Variants in MARCHF3 observed in about 807,000 individuals in gnomAD.
MARCHF3 encodes membrane associated ring-CH-type finger 3, also known as E3 ubiquitin-protein ligase MARCHF3.
In MARCHF3, 13 loss-of-function variants were observed where a neutral mutation model predicts 24.2. The observed-to-expected ratio is 0.54, with a 90% CI of 0.35 to 0.85. MARCHF3 has a LOEUF of 0.85. Ranked by LOEUF, MARCHF3 falls within the 40% of genes least tolerant of loss-of-function variation. The pLI is 0.01. For missense variants in MARCHF3, 276 were observed against 325.0 expected (o/e 0.85, Z 1.16); for synonymous variants, 144 against 137.3 (o/e 1.05, Z -0.34).
Position 126,868,558 on chromosome 5 carries a change from C to T in MARCHF3, c.*2075G>A, listed in dbSNP as rs1752845928. The T allele has an allele frequency of 6.6e-6, 1 of 152,214 alleles. No homozygotes were observed. Among genetic ancestry groups the T allele is most frequent in the Non-Finnish European group, 1.5e-5 (1 of 68,044 alleles). The allele number at this position is 152,214 out of a possible 1,614,324, so 9.4% of individuals were successfully genotyped here. On this transcript the variant is annotated 3_prime_UTR_variant, in exon 5 of 5. Transcript: ENST00000308660. ...TGCCTTTGATGATGTCATATCTCAT[C>T]TCATGAACCAAGATGGCAGGAATTC...
intron 1 of MARCHF3, among the ~76,000 whole-genome samples, chr5:126,985,404 G>A (rs761140842): frequency 6.6e-5 from 10 of 151,312 alleles, no homozygotes; most frequent in Admixed American, 6.6e-4. Context: ...CATATGATGG[G>A]TTTAATTTGA....
intron 3 of MARCHF3, among the ~76,000 whole-genome samples, chr5:126,895,146 G>A (rs1272445929): frequency 1.2e-4 from 18 of 151,970 alleles, no homozygotes; most frequent in Non-Finnish European, 2.1e-4. Context: ...CTCGAGCCTT[G>A]GTTTTCAGCT....
chr5:126,947,388 A>C (rs928814972), intron 1 of MARCHF3, among the ~76,000 whole-genome samples: 4 of 152,238 alleles, frequency 2.6e-5, no homozygotes, highest in Non-Finnish European at 5.9e-5. Context: ...TGCAAGAGCA[A>C]AAGAACAAAA....
At chr5:126,944,089 C>T (rs1397229797) in intron 1 of MARCHF3, among the ~76,000 whole-genome samples, 4 of 152,038 alleles carry the variant, frequency 2.6e-5, no homozygotes, top group South Asian at 2.1e-4. Flanking sequence ...GGATTACAAG[C>T]GTGAGCCACC....
chr5:126,965,081 G>C (rs970543756), intron 1 of MARCHF3, among the ~76,000 whole-genome samples: 3 of 149,940 alleles, frequency 2.0e-5, no homozygotes, highest in African/African-American at 7.4e-5. Context: ...TCTAGAATGT[G>C]TTTCTAATGA....
intron 1 of MARCHF3, among the ~76,000 whole-genome samples, chr5:126,998,792 A>G (rs1449372307): frequency 6.6e-6 from 1 of 152,210 alleles, no homozygotes; most frequent in African/African-American, 2.4e-5. Context: ...AATCCCCAGG[A>G]CATGCCACAA....
chr5:126,985,509 G>T (rs964337971), intron 1 of MARCHF3, among the ~76,000 whole-genome samples: 1 of 145,708 alleles, frequency 6.9e-6, no homozygotes, highest in African/African-American at 2.6e-5. Context: ...TCACTCTGTC[G>T]CCCAGGCTGG....
chr5:126,965,043 G>C (rs80247101), intron 1 of MARCHF3, among the ~76,000 whole-genome samples: 1,641 of 150,970 alleles, frequency 0.011, 27 homozygotes, highest in African/African-American at 0.038. Flanking sequence ...AAAAAAAAGA[G>C]GGAATTTACA....
At chr5:126,903,162 C>T (rs1029825587) in intron 3 of MARCHF3, among the ~76,000 whole-genome samples, 2 of 151,936 alleles carry the variant, frequency 1.3e-5, no homozygotes, top group East Asian at 1.9e-4. Context: ...AAGAAATGCA[C>T]AGTGTATTAG....
chr5:126,930,712 C>T (rs1224810486), intron 1 of MARCHF3, among the ~76,000 whole-genome samples: 7 of 152,256 alleles, frequency 4.6e-5, no homozygotes, highest in South Asian at 2.1e-4. Flanking sequence ...AACATTTCCC[C>T]TTCCTTCTTC....
chr5:127,028,946 A>G (rs541539919), intron 1 of MARCHF3, among the ~76,000 whole-genome samples: 43 of 152,324 alleles, frequency 2.8e-4, no homozygotes, highest in African/African-American at 1.0e-3. Context: ...ACTGAAGTGT[A>G]CATGTTATGT....
intron 3 of MARCHF3, among the ~76,000 whole-genome samples, chr5:126,878,982 G>A (rs1279056067): frequency 2.6e-5 from 4 of 152,176 alleles, no homozygotes. Context: ...GTGATTTATG[G>A]TGAACACCTA....
chr5:126,951,872 G>A (rs1750249169), intron 1 of MARCHF3, among the ~76,000 whole-genome samples: 3 of 151,878 alleles, frequency 2.0e-5, no homozygotes, highest in African/African-American at 4.8e-5. Context: ...TTGAGACAGA[G>A]TTTCACTTTT....
intron 1 of MARCHF3, among the ~76,000 whole-genome samples, chr5:126,940,242 G>A (rs904023872): frequency 1.3e-5 from 2 of 152,132 alleles, no homozygotes; most frequent in African/African-American, 4.8e-5. Context: ...ATAAACTTTA[G>A]TGAGTGGGTG....
At chr5:126,885,297 G>A (rs1415485993) in intron 3 of MARCHF3, among the ~76,000 whole-genome samples, 1 of 152,184 alleles carries the variant, frequency 6.6e-6, no homozygotes, top group Non-Finnish European at 1.5e-5. Flanking sequence ...GCTGGGTGTG[G>A]TGGTTTACGC....
intron 4 of MARCHF3, among the ~76,000 whole-genome samples, chr5:126,871,863 T>C (rs1302904475): frequency 2.6e-5 from 4 of 152,002 alleles, no homozygotes; most frequent in Non-Finnish European, 5.9e-5. Flanking sequence ...TACGCCACCA[T>C]GCCTGGCAAA....
intron 3 of MARCHF3, among the ~76,000 whole-genome samples, chr5:126,889,268 T>C (rs1753598035): frequency 6.6e-6 from 1 of 151,948 alleles, no homozygotes; most frequent in Non-Finnish European, 1.5e-5. Flanking sequence ...ACCAGGACAG[T>C]GTACCAAATA....
chr5:126,919,385 C>T (rs1305350621), intron 1 of MARCHF3, among the ~76,000 whole-genome samples: 2 of 152,208 alleles, frequency 1.3e-5, no homozygotes, highest in African/African-American at 2.4e-5. Context: ...GCTCAGTAGA[C>T]AGCAGCAGGA....
intron 1 of MARCHF3, among the ~76,000 whole-genome samples, chr5:126,919,611 A>G (rs1259478466): frequency 6.6e-6 from 1 of 152,216 alleles, no homozygotes; most frequent in Non-Finnish European, 1.5e-5. Flanking sequence ...AACTTCCAGA[A>G]CAATGTGCAT....
Sources: allele counts gnomAD v4.1 joint callset (sites outside exome capture counted in the v4.1 genomes callset), GRCh38; gene constraint gnomAD v4.1.1; transcripts MANE v1.5; gene names NCBI Gene and HGNC (gene_info 2026-07-23, HGNC 2026-07-21).